RALGAPA2: variants seen among roughly 807,000 people sequenced by gnomAD.
RALGAPA2 encodes the protein ral GTPase-activating protein subunit alpha-2.
RALGAPA2 carries 139 observed loss-of-function variants against 230.4 expected under a neutral mutation model. The ratio of observed to expected loss-of-function variants is 0.60; its 90% CI spans 0.53 to 0.69. RALGAPA2 has a LOEUF of 0.69. Ranked by LOEUF, RALGAPA2 falls within the 30% of genes least tolerant of loss-of-function variation. RALGAPA2 has a pLI of 0.00. For synonymous variants in RALGAPA2, 847 were observed against 837.8 expected, an observed-to-expected ratio of 1.01 and a Z score of -0.19; for missense variants, 2,163 against 2,276.0, an observed-to-expected ratio of 0.95 and a Z score of 1.01.
At chr20:20,538,558 T>C (rs1341755539) in intron 24 of RALGAPA2, among the ~76,000 whole-genome samples, 1 of 152,220 alleles carries the variant, frequency 6.6e-6, no homozygotes, top group Non-Finnish European at 1.5e-5. Flanking sequence ...AACATGTTAT[T>C]GTACACTGTG....
chr20:20,458,563 A>T (rs1320998389), intron 37 of RALGAPA2, among the ~76,000 whole-genome samples: 2 of 125,012 alleles, frequency 1.6e-5, no homozygotes, highest in African/African-American at 3.5e-5. Context: ...TATATATATT[A>T]TATATATAAT....
At chr20:20,541,136 G>A (rs948586879) in intron 24 of RALGAPA2, among the ~76,000 whole-genome samples, 2 of 147,046 alleles carry the variant, frequency 1.4e-5, no homozygotes, top group African/African-American at 5.1e-5. Context: ...TGTCTTTTTG[G>A]TGAAAGCCAT....
At chr20:20,666,411 C>A (rs948450489) in intron 3 of RALGAPA2, among the ~76,000 whole-genome samples, 2 of 152,170 alleles carry the variant, frequency 1.3e-5, no homozygotes, top group Non-Finnish European at 2.9e-5. Context: ...AACTTAAATT[C>A]CAAGGATTTT....
Position 20,396,237 on chromosome 20 carries a change from C to A in RALGAPA2, c.*35+458G>T, listed in dbSNP as rs1302681046. ...TTCCCCAGCTGTTCCATTCAGCAGC[C>A]CCCGCCACAACCTGCCCTCCCCGCA... On this transcript the variant is annotated intron_variant, in intron 39 of 39. Coordinates refer to ENST00000202677, the MANE Select transcript of RALGAPA2 (RefSeq NM_020343.4). Among the ~76,000 whole-genome samples the A allele has an allele frequency of 2.0e-5, 3 of 152,382 alleles. No individual in the cohort carries two copies. The East Asian group carries it at 5.8e-4, about 29-fold the overall frequency.
At chr20:20,709,459 C>T (rs532507770) in intron 1 of RALGAPA2, among the ~76,000 whole-genome samples, 10 of 152,218 alleles carry the variant, frequency 6.6e-5, no homozygotes, top group African/African-American at 2.4e-4. Flanking sequence ...CTACTGTACT[C>T]CAACGTGGAC....
rs532104859 is a variant in RALGAPA2, at chr20:20,520,748, G to A, written c.4084+169C>T. Among the ~76,000 whole-genome samples the A allele has an allele frequency of 7.9e-5, 12 of 151,912 alleles. No individual in the cohort carries two copies. The South Asian group carries it at 2.3e-3, about 29-fold the overall frequency. On this transcript the variant is annotated intron_variant, in intron 31 of 39. Coordinates refer to ENST00000202677, the MANE Select transcript of RALGAPA2 (RefSeq NM_020343.4). ...TGAACTACTAAAATGGGAAAACAGA[G>A]GAGAAAAAAAGAAGAAACAAGGAAG...
chr20:20,580,574 C>T (rs963994626), intron 20 of RALGAPA2, among the ~76,000 whole-genome samples: 19 of 152,148 alleles, frequency 1.2e-4, no homozygotes, highest in African/African-American at 4.1e-4. Context: ...ACACTAAAAG[C>T]GGTTGCCCCA....
intron 34 of RALGAPA2, 29 bp downstream of exon 34, chr20:20,505,382 A>G (rs2075721807): frequency 6.3e-7 from 1 of 1,577,076 alleles, no homozygotes; most frequent in African/African-American, 1.4e-5. Flanking sequence ...GTGCTGGTCA[A>G]TAAACACCTA....
intron 7 of RALGAPA2, among the ~76,000 whole-genome samples, chr20:20,639,476 T>C (rs1384925815): frequency 1.3e-5 from 2 of 152,212 alleles, no homozygotes; most frequent in African/African-American, 4.8e-5. Flanking sequence ...TGCCTATTCC[T>C]GTCCACCTGT....
intron 13 of RALGAPA2, among the ~76,000 whole-genome samples, chr20:20,613,689 C>T (rs2066043002): frequency 6.6e-6 from 1 of 152,132 alleles, no homozygotes; most frequent in South Asian, 2.1e-4. Context: ...CTTAAACAAG[C>T]CACTTTTCTT....
At chr20:20,678,924 T>A (rs917440610) in intron 2 of RALGAPA2, among the ~76,000 whole-genome samples, 1 of 152,154 alleles carries the variant, frequency 6.6e-6, no homozygotes, top group African/African-American at 2.4e-5. Context: ...TGACTCTACA[T>A]GCCTTCAATT....
chr20:20,511,333 GA>G lies in RALGAPA2; in HGVS notation c.4857-9del, dbSNP rs2062698948. 2.0e-6 allele frequency: 3 copies of G among 1,538,170 alleles called. No homozygotes were observed. The African/African-American group carries it at 4.2e-5, about 21-fold the overall frequency. ...AATAGATGAAAATTCTTCCTATAAA[GA>G]AAAAAGGATGGAAGAAAAACCATGT... On this transcript the variant is annotated splice_polypyrimidine_tract_variant and intron_variant, in intron 32 of 39. Coordinates refer to ENST00000202677, the MANE Select transcript of RALGAPA2 (RefSeq NM_020343.4).
chr20:20,548,617 CT>C (rs1447755745), intron 23 of RALGAPA2, among the ~76,000 whole-genome samples: 10 of 152,122 alleles, frequency 6.6e-5, no homozygotes, highest in African/African-American at 2.4e-4. Flanking sequence ...TTTAAGCCTG[CT>C]TTAATCACGT....
intron 37 of RALGAPA2, among the ~76,000 whole-genome samples, chr20:20,461,109 T>C (rs1363585494): frequency 6.6e-6 from 1 of 152,198 alleles, no homozygotes; most frequent in Admixed American, 6.5e-5. Context: ...CCAATCTGTT[T>C]CTTTTTATTC....
intron 24 of RALGAPA2, among the ~76,000 whole-genome samples, chr20:20,539,588 A>G (rs1602704740): frequency 6.6e-6 from 1 of 152,230 alleles, no homozygotes. Flanking sequence ...GTGAATTAAT[A>G]TATCACCTCA....
At chr20:20,585,065 C>T (rs896263707) in intron 18 of RALGAPA2, 110 bp from the exon 19 acceptor site, 4 of 572,504 alleles carry the variant, frequency 7.0e-6, no homozygotes, top group Non-Finnish European at 8.9e-6. Flanking sequence ...ATAATAATAG[C>T]TAAATAAATT....
intron 38 of RALGAPA2, among the ~76,000 whole-genome samples, chr20:20,409,786 T>C (rs1331912483): frequency 1.3e-5 from 2 of 152,246 alleles, no homozygotes; most frequent in African/African-American, 4.8e-5. Flanking sequence ...AAATGCTCTG[T>C]CCTCATTGTA....
At chr20:20,646,139 C>T (rs763895633) in intron 4 of RALGAPA2, among the ~76,000 whole-genome samples, 45 of 151,968 alleles carry the variant, frequency 3.0e-4, no homozygotes, top group Non-Finnish European at 5.4e-4. Context: ...ACTGCAACCT[C>T]CGCCTCTAGG....
chr20:20,683,441 C>A (rs1033256664), intron 1 of RALGAPA2, among the ~76,000 whole-genome samples: 1 of 152,198 alleles, frequency 6.6e-6, no homozygotes, highest in African/African-American at 2.4e-5. Flanking sequence ...ATTTCCCCCA[C>A]TCAACACGAA....
Sources: allele counts gnomAD v4.1 joint callset (sites outside exome capture counted in the v4.1 genomes callset), GRCh38; gene constraint gnomAD v4.1.1; transcripts MANE v1.5; gene names NCBI Gene and HGNC (gene_info 2026-07-23, HGNC 2026-07-21).